The following CLP1 variants were observed in gnomAD, a reference collection of about 807,000 sequenced individuals.
CLP1 encodes cleavage factor polyribonucleotide kinase subunit 1.
CLP1 carries 18 observed loss-of-function variants against 29.9 expected under a neutral mutation model. That is an observed-to-expected ratio of 0.60 (90% CI 0.42 to 0.89). CLP1 has a LOEUF of 0.89. CLP1 is among the 40% of genes least tolerant of loss of function. CLP1 has a pLI of 0.00. For synonymous variants in CLP1, 162 were observed against 206.2 expected (o/e 0.79, Z 1.84); for missense variants, 357 against 544.8 (o/e 0.66, Z 3.43).
intron 1 of CLP1, among the ~76,000 whole-genome samples, chr11:57,658,604 T>A (rs896924652): frequency 6.6e-6 from 1 of 152,142 alleles, no homozygotes; most frequent in Non-Finnish European, 1.5e-5. Context: ...TGTATGTTTT[T>A]ATTATTTATT....
In CLP1 at chr11:57,661,501, G is replaced by A; in HGVS notation, c.*65G>A. The A allele has an allele frequency of 2.9e-6, 4 of 1,387,802 alleles. No individual in the cohort carries two copies. The highest frequency in any genetic ancestry group is 2.1e-5 in the Admixed American group (1 of 47,858). 86.0% of individuals were successfully genotyped at this position (1,387,802 alleles called of 1,614,324 possible). A position where few individuals can be genotyped will look rare whatever the true frequency, so the allele number is the denominator to read the frequency against. The stretch of plus-strand genomic sequence containing the variant: ...ATCTGGCCACCCCTAGAGGCAGATG[G>A]GCTGAGATAAAAGACTGTTGGGGCC... On this transcript the variant is annotated 3_prime_UTR_variant, in exon 3 of 3. Transcript: ENST00000533682.
chr11:57,659,021 C>G (rs938215645), intron 1 of CLP1, among the ~76,000 whole-genome samples: 3 of 151,944 alleles, frequency 2.0e-5, no homozygotes, highest in Non-Finnish European at 4.4e-5. Flanking sequence ...GGGATCTGCC[C>G]AACTCAGCGC....
chr11:57,661,687 C>G lies in CLP1; in HGVS notation c.*251C>G, dbSNP rs566875285. The G allele has an allele frequency of 6.5e-6, 3 of 461,928 alleles. No homozygotes were observed. The highest frequency in any genetic ancestry group is 1.2e-5 in the Non-Finnish European group (3 of 260,576). 28.6% of individuals were successfully genotyped at this position (461,928 alleles called of 1,614,324 possible). A position where few individuals can be genotyped will look rare whatever the true frequency, so the allele number is the denominator to read the frequency against. On this transcript the variant is annotated 3_prime_UTR_variant, in exon 3 of 3. Transcript: ENST00000533682. ...ATGCCACTTTGAATTCTCTAAGACCCTGGAGAATTGCATTTCTTTCACTGT... is the reference window on the plus strand; with the variant it reads ...ATGCCACTTTGAATTCTCTAAGACCGTGGAGAATTGCATTTCTTTCACTGT...
chr11:57,658,831 G>A (rs186748313), intron 1 of CLP1, among the ~76,000 whole-genome samples: 1 of 152,224 alleles, frequency 6.6e-6, no homozygotes, highest in East Asian at 1.9e-4. Flanking sequence ...TAAATACTGA[G>A]ATTTCACCAT....
intron 2 of CLP1, 38 bp from the exon 3 acceptor site, chr11:57,660,726 TG>T: frequency 6.7e-7 from 1 of 1,486,636 alleles, no homozygotes; most frequent in Non-Finnish European, 9.1e-7. Flanking sequence ...TGGGTTTGTC[TG>T]GGTGTTTTTG....
chr11:57,659,382 C>T (rs1019418145), intron 1 of CLP1, 73 bp from the exon 2 acceptor site: 2 of 1,439,658 alleles, frequency 1.4e-6, no homozygotes. Flanking sequence ...AGCCACCATG[C>T]CTGGCCCCAT....
At position 57,661,343 on chromosome 11, in the gene CLP1, G is replaced by T. The variant is rs200297908; in HGVS notation, c.1185G>T (p.Glu395Asp). 3.1e-6 allele frequency: 5 copies of T among 1,614,192 alleles called. No individual in the cohort carries two copies. The highest frequency in any genetic ancestry group is 4.2e-6 in the Non-Finnish European group (5 of 1,180,032). The change falls in exon 3 of 3, where the codon GAG (glutamate) becomes GAT (aspartate). Residue 395 changes from glutamate to aspartate, a missense_variant. Coordinates refer to ENST00000533682, the MANE Select transcript of CLP1 (RefSeq NM_006831.3). ...GFIVVTSVDL[E>D]HQVFTVLSPA... ...TTGTGGTGACCAGTGTGGACCTGGA[G>T]CATCAGGTGTTTACTGTTCTGTCTC...
Position 57,660,061 on chromosome 11 carries a change from T to C in CLP1, c.585T>C (p.Thr195=). The C allele has an allele frequency of 6.3e-7, 1 of 1,587,606 alleles. No individual in the cohort carries two copies. The highest frequency in any genetic ancestry group is 8.6e-7 in the Non-Finnish European group (1 of 1,164,984). The change falls in exon 2 of 3, where the codon ACT becomes ACC. Residue 195 remains threonine, a synonymous_variant. Coordinates refer to ENST00000533682, the MANE Select transcript of CLP1 (RefSeq NM_006831.3). ...VYHFGSTTPG[T]NIKLYNKITS... ...ATTTTGGTTCCACCACTCCTGGCACTAACATCAAGCTTTATAATAAGGTCA... is the reference window on the plus strand; with the variant it reads ...ATTTTGGTTCCACCACTCCTGGCACCAACATCAAGCTTTATAATAAGGTCA...
chr11:57,657,991 A>T (rs1351049256), intron 1 of CLP1, 131 bp downstream of exon 1: 1 of 152,266 alleles, frequency 6.6e-6, no homozygotes, highest in African/African-American at 2.4e-5. Flanking sequence ...TGCTGGAGCT[A>T]GAGCTGCAGT....
rs1256205836 is a variant in CLP1, at chr11:57,660,070, G to A, written c.594G>A (p.Lys198=). 2 of 1,579,048 alleles carry A rather than the reference G, an allele frequency of 1.3e-6. No individual in the cohort carries two copies. The highest frequency in any genetic ancestry group is 2.2e-5 in the East Asian group (1 of 44,484). Residue 198 remains lysine, a synonymous_variant, in exon 2 of 3, where the codon AAG becomes AAA. Transcript: ENST00000533682. ...FGSTTPGTNI[K]LYNKITSRLA... ...CCACCACTCCTGGCACTAACATCAA[G>A]CTTTATAATAAGGTCAGAGCCAGAG...
chr11:57,659,591 A>G lies in CLP1; in HGVS notation c.115A>G (p.Thr39Ala), dbSNP rs548787604. ...TCAGTCAGTTCAGTTGGAGTTGTTG[A>G]CTGGCATGGCAGAGATCTTTGGCAC... ...ASQSVQLELL[T>A]GMAEIFGTEL... is the part of the protein sequence containing the mutation. The change falls in exon 2 of 3, where the codon ACT becomes GCT. Residue 39 changes from threonine (T) to alanine (A), a missense_variant. Thr to Ala is a moderately conservative substitution (Grantham distance 58, BLOSUM62 0). Transcript: ENST00000533682. 8.1e-6 allele frequency: 13 copies of G among 1,614,146 alleles called. No homozygotes were observed. The South Asian group carries it at 9.9e-5, about 12-fold the overall frequency.
Position 57,661,608 on chromosome 11 carries a change from C to G in CLP1, c.*172C>G. On this transcript the variant is annotated 3_prime_UTR_variant, in exon 3 of 3. Coordinates refer to ENST00000533682, the MANE Select transcript of CLP1 (RefSeq NM_006831.3). ...GTAGTGGTAACCTGACTCTTCTAATCTTGAACCAAAAGGAAAACCATGAGA... is the reference window on the plus strand; with the variant it reads ...GTAGTGGTAACCTGACTCTTCTAATGTTGAACCAAAAGGAAAACCATGAGA... 3 of 596,628 alleles carry G rather than the reference C, an allele frequency of 5.0e-6. No homozygotes were observed. Among genetic ancestry groups the G allele is most frequent in the Non-Finnish European group, 8.7e-6 (3 of 343,268 alleles). 37.0% of individuals were successfully genotyped at this position (596,628 alleles called of 1,614,324 possible). A position where few individuals can be genotyped will look rare whatever the true frequency, so the allele number is the denominator to read the frequency against.
chr11:57,660,638 A>T, intron 2 of CLP1, 127 bp from the exon 3 acceptor site: 2 of 767,178 alleles, frequency 2.6e-6, no homozygotes, highest in Non-Finnish European at 2.0e-6. Context: ...TGGGCAACAG[A>T]GTGAGACTCC....
Position 57,661,057 on chromosome 11 carries a change from G to A in CLP1, c.899G>A (p.Arg300His), listed in dbSNP as rs764684265. The A allele has an allele frequency of 1.2e-5, 20 of 1,614,092 alleles. No homozygotes were observed. Among genetic ancestry groups the A allele is most frequent in the East Asian group, 2.2e-5 (1 of 44,902 alleles). Residue 300 changes from arginine (R) to histidine (H), a missense_variant, in exon 3 of 3, where the codon CGT (arginine) becomes CAT (histidine). Physicochemically the swap from Arg to His is conservative, Grantham distance 29. Coordinates refer to ENST00000533682, the MANE Select transcript of CLP1 (RefSeq NM_006831.3). ...TTCCGGCGGGAATGTAGGGATGAGC[G>A]TATCCGTGAGTATTTTTATGGATTC... ...KDFRRECRDERIREYFYGFRG... is the reference protein window; with the variant it reads ...KDFRRECRDEHIREYFYGFRG...
chr11:57,661,862 C>A lies in CLP1; in HGVS notation c.*426C>A. ...ATTTTAATAAATATTTTTGCCATATCATAGAAGTTGGTATAATTTATTTTT... is the reference window on the plus strand; with the variant it reads ...ATTTTAATAAATATTTTTGCCATATAATAGAAGTTGGTATAATTTATTTTT... On this transcript the variant is annotated 3_prime_UTR_variant, in exon 3 of 3. Transcript: ENST00000533682. 1 of 189,372 alleles carries A rather than the reference C, an allele frequency of 5.3e-6. No individual in the cohort carries two copies. The highest frequency in any genetic ancestry group is 1.1e-5 in the Non-Finnish European group (1 of 90,534). 11.7% of individuals were successfully genotyped at this position (189,372 alleles called of 1,614,324 possible). A position where few individuals can be genotyped will look rare whatever the true frequency, so the allele number is the denominator to read the frequency against.
Position 57,659,606 on chromosome 11 carries a change from A to G in CLP1, c.130A>G (p.Ile44Val). Reference sequence around the variant, plus strand: ...GGAGTTGTTGACTGGCATGGCAGAGATCTTTGGCACAGAGCTGACCCGAAA... The same window carrying G: ...GGAGTTGTTGACTGGCATGGCAGAGGTCTTTGGCACAGAGCTGACCCGAAA... ...QLELLTGMAE[I>V]FGTELTRNKK... is the part of the protein sequence containing the mutation. Residue 44 changes from isoleucine to valine, a missense_variant, in exon 2 of 3, where the codon ATC becomes GTC. Coordinates refer to ENST00000533682, the MANE Select transcript of CLP1 (RefSeq NM_006831.3). 1 of 1,614,072 alleles carries G rather than the reference A, an allele frequency of 6.2e-7. No homozygotes were observed. Among genetic ancestry groups the G allele is most frequent in the Non-Finnish European group, 8.5e-7 (1 of 1,180,022 alleles).
chr11:57,658,284 T>C (rs1945840226), intron 1 of CLP1, among the ~76,000 whole-genome samples: 1 of 152,174 alleles, frequency 6.6e-6, no homozygotes, highest in South Asian at 2.1e-4. Flanking sequence ...ACTAGGATGA[T>C]TGGGGTCAGG....
In CLP1 at chr11:57,659,993, G is replaced by A. The variant is rs765359167; in HGVS notation, c.517G>A (p.Asp173Asn). 4 of 1,613,282 alleles carry A rather than the reference G, an allele frequency of 2.5e-6. No homozygotes were observed. In the African/African-American group the frequency reaches 5.3e-5, roughly 22 times the overall value. Residue 173 changes from aspartate to asparagine, a missense_variant, in exon 2 of 3, where the codon GAT becomes AAT. Physicochemically the swap from Asp to Asn is conservative, Grantham distance 23 (BLOSUM62 1). Transcript: ENST00000533682. The stretch of plus-strand genomic sequence containing the variant: ...GGCCCTCTACATCGAGCGGCCTGCA[G>A]ATGTCGAAGAGGGTTTCTCTATCCA... ...MGALYIERPA[D>N]VEEGFSIQAP...
At position 57,661,521 on chromosome 11, in the gene CLP1, G is replaced by T. The variant is rs1243089012; in HGVS notation, c.*85G>T. On this transcript the variant is annotated 3_prime_UTR_variant, in exon 3 of 3. Coordinates refer to ENST00000533682, the MANE Select transcript of CLP1 (RefSeq NM_006831.3). ...AGATGGGCTGAGATAAAAGACTGTT[G>T]GGGCCACCTGACCAGTAAACTGTGG... is the stretch of plus-strand genomic sequence containing the variant. 1.6e-5 allele frequency: 18 copies of T among 1,127,796 alleles called. No homozygotes were observed. The highest frequency in any genetic ancestry group is 2.2e-5 in the Non-Finnish European group (17 of 785,702). The allele number at this position is 1,127,796 out of a possible 1,614,324, so 69.9% of individuals were successfully genotyped here.
Sources: gnomAD v4.1 joint callset for allele counts (sites outside exome capture counted in the v4.1 genomes callset) on GRCh38, gnomAD v4.1.1 for gene constraint, MANE v1.5 for transcripts, NCBI Gene and HGNC (gene_info 2026-07-23, HGNC 2026-07-21) for gene names.